SNED1: variants seen among roughly 807,000 people sequenced by gnomAD.
The protein encoded by SNED1 is sushi, nidogen and EGF like domains 1.
Under a neutral mutation model 166.7 loss-of-function variants are expected in SNED1, and 81 were observed. The observed-to-expected ratio is 0.49, with a 90% CI of 0.41 to 0.58. The LOEUF (loss-of-function observed/expected upper bound fraction) is 0.58. Among genes scored for constraint, SNED1 ranks in the 20% least tolerant of loss-of-function variants. SNED1 has a pLI of 0.00. For missense variants in SNED1, 1,604 were observed against 2,000.2 expected, an observed-to-expected ratio of 0.80 and a Z score of 3.78; for synonymous variants, 762 against 822.0, an observed-to-expected ratio of 0.93 and a Z score of 1.25.
chr2:241,071,750 C>A, intron 25 of SNED1, 30 bp downstream of exon 25: 1 of 1,544,244 alleles, frequency 6.5e-7, no homozygotes, highest in Non-Finnish European at 8.8e-7. Context: ...GCCCCATCGC[C>A]CGAGGCGGCG....
intron 8 of SNED1, among the ~76,000 whole-genome samples, chr2:241,044,089 A>G (rs1328547166): frequency 6.6e-6 from 1 of 152,228 alleles, no homozygotes; most frequent in Non-Finnish European, 1.5e-5. Flanking sequence ...CCAATTGTGG[A>G]GATAGAAATT....
chr2:241,047,294 A>G lies in SNED1; in HGVS notation c.1274-1021A>G, dbSNP rs185025593. On this transcript the variant is annotated intron_variant, in intron 8 of 31. Coordinates refer to ENST00000310397, the MANE Select transcript of SNED1 (RefSeq NM_001080437.3). ...ACCTTTTATAACGATAGAGGGGTCAATTCATCCAGAAGACATAACTCTAGA... is the reference window on the plus strand; with the variant it reads ...ACCTTTTATAACGATAGAGGGGTCAGTTCATCCAGAAGACATAACTCTAGA... 6.0e-4 allele frequency among the ~76,000 whole-genome samples: 91 copies of G among 152,290 alleles called. 1 individual carries two copies. The Middle Eastern group carries it at 0.01, about 17-fold the overall frequency.
At chr2:241,039,531 TGAG>T (rs1405650269) in intron 6 of SNED1, among the ~76,000 whole-genome samples, 4 of 152,014 alleles carry the variant, frequency 2.6e-5, no homozygotes, top group Admixed American at 2.6e-4. Context: ...CAGCATCCGG[TGAG>T]GAGGGAGGGC....
At chr2:241,065,956 G>C (rs180957869) in intron 21 of SNED1, among the ~76,000 whole-genome samples, 8 of 152,112 alleles carry the variant, frequency 5.3e-5, no homozygotes, top group African/African-American at 1.4e-4. Flanking sequence ...GGTGGGCTTG[G>C]GGGGGCTGGG....
intron 10 of SNED1, 61 bp downstream of exon 10, chr2:241,048,827 A>G: frequency 1.4e-6 from 2 of 1,420,114 alleles, no homozygotes; most frequent in Non-Finnish European, 2.0e-6. Context: ...CGGGAAATGA[A>G]TGGTGGCTTC....
At chr2:241,048,539 CGT>C in intron 9 of SNED1, 99 bp downstream of exon 9, 1 of 1,489,812 alleles carries the variant, frequency 6.7e-7, no homozygotes, top group Non-Finnish European at 9.1e-7. Context: ...CGAAAAGAAA[CGT>C]GTGAGTGCGC....
chr2:241,039,548 G>A (rs567968160), intron 6 of SNED1, among the ~76,000 whole-genome samples: 1 of 152,202 alleles, frequency 6.6e-6, no homozygotes, highest in African/African-American at 2.4e-5. Context: ...GGAGGGCAGA[G>A]GGTGGGCTCC....
rs912138695 is a variant in SNED1 at position 241,073,083 on chromosome 2, T to C, written c.3818-183T>C. On this transcript the variant is annotated intron_variant, in intron 26 of 31. Coordinates refer to ENST00000310397, the MANE Select transcript of SNED1 (RefSeq NM_001080437.3). The surrounding 1 kb of genome is among the most constrained non-coding windows in gnomAD (Gnocchi z 6.6). ...CCCCTCCAGAGGGTCAGCAGGAGGG[T>C]GAGGCCAGCCCTTCAGGGGAGGCAG... is the stretch of plus-strand genomic sequence containing the variant. The C allele has an allele frequency of 5.2e-5, 30 of 573,934 alleles. No homozygotes were observed. The South Asian group carries it at 6.1e-4, about 12-fold the overall frequency. The allele number at this position is 573,934 out of a possible 1,614,324, so 35.6% of individuals were successfully genotyped here. A position where few individuals can be genotyped will look rare whatever the true frequency, so the allele number is the denominator to read the frequency against.
Position 241,067,775 on chromosome 2 carries a change from G to C in SNED1, c.3022G>C (p.Val1008Leu), listed in dbSNP as rs1382563746. 1 of 1,608,228 alleles carries C rather than the reference G, an allele frequency of 6.2e-7. No homozygotes were observed. Among genetic ancestry groups the C allele is most frequent in the Admixed American group, 1.7e-5 (1 of 59,912 alleles). Residue 1008 changes from valine (V) to leucine (L), a missense_variant, in exon 22 of 32, where the codon GTG becomes CTG. Val to Leu is a conservative substitution (Grantham distance 32). This residue lies in a region of SNED1 where 1,237 missense variants were observed against 1,620.8 expected (regional missense o/e 0.76). Coordinates refer to ENST00000310397, the MANE Select transcript of SNED1 (RefSeq NM_001080437.3). The part of the protein sequence containing the change: ...VLLARTRPRP[V>L]EGFEVTNVTA... The stretch of plus-strand genomic sequence containing the variant: ...TCCATTCCCCCTAGGACCCCGCCCT[G>C]TGGAAGGCTTCGAGGTCACCAATGT...
At chr2:241,081,154 T>C (rs2063308960) in intron 27 of SNED1, among the ~76,000 whole-genome samples, 1 of 152,226 alleles carries the variant, frequency 6.6e-6, no homozygotes, top group East Asian at 1.9e-4. Context: ...GCAGCAGCCC[T>C]GCAAAGACCA....
At chr2:241,078,055 A>G (rs1057416345) in intron 27 of SNED1, among the ~76,000 whole-genome samples, 1 of 152,208 alleles carries the variant, frequency 6.6e-6, no homozygotes, top group Non-Finnish European at 1.5e-5. Flanking sequence ...CACAAAAGCC[A>G]GAAAGTAGAA....
At chr2:241,041,703 A>G (rs908225536) in intron 8 of SNED1, among the ~76,000 whole-genome samples, 10 of 152,120 alleles carry the variant, frequency 6.6e-5, no homozygotes, top group African/African-American at 2.4e-4. Flanking sequence ...AAAACAAAAG[A>G]GGAAGAAGAA....
intron 26 of SNED1, chr2:241,072,300 G>T: frequency 2.3e-6 from 1 of 442,522 alleles, no homozygotes; most frequent in South Asian, 1.7e-5. Flanking sequence ...CACTGTCCTG[G>T]CAAGATCTTC....
chr2:241,067,865 G>A lies in SNED1; in HGVS notation c.3112G>A (p.Val1038Ile). 1.2e-6 allele frequency: 2 copies of A among 1,613,554 alleles called. No homozygotes were observed. The highest frequency in any genetic ancestry group is 1.7e-6 in the Non-Finnish European group (2 of 1,179,858). ...HRIRHATVSGVRVSIRHPEAL... is the reference protein window; with the variant it reads ...HRIRHATVSGIRVSIRHPEAL... ...GATCCGCCATGCCACCGTCAGTGGG[G>A]TCCGTGTGTCCATCCGCCACCCTGA... Residue 1038 changes from valine (V) to isoleucine (I), a missense_variant, in exon 22 of 32, where the codon GTC becomes ATC. By Grantham distance (29) the Val-to-Ile change is conservative. Coordinates refer to ENST00000310397, the MANE Select transcript of SNED1 (RefSeq NM_001080437.3).
rs561995605 is a variant in SNED1, at chr2:241,048,980, G to A, written c.1505-42G>A. The A allele has an allele frequency of 2.0e-6, 3 of 1,528,058 alleles. No individual in the cohort carries two copies. In the South Asian group the frequency reaches 3.5e-5, roughly 18 times the overall value. The allele number at this position is 1,528,058 out of a possible 1,614,324, so 94.7% of individuals were successfully genotyped here. A position where few individuals can be genotyped will look rare whatever the true frequency, so the allele number is the denominator to read the frequency against. On this transcript the variant is annotated intron_variant, in intron 10 of 31. Coordinates refer to ENST00000310397, the MANE Select transcript of SNED1 (RefSeq NM_001080437.3). ...GACAAGGACTCGAGGTCTGCTGGAAGACATGTGGAATATGGGATGGGGCTT... is the reference window on the plus strand; with the variant it reads ...GACAAGGACTCGAGGTCTGCTGGAAAACATGTGGAATATGGGATGGGGCTT...
At chr2:241,010,934 G>A (rs976660911) in intron 1 of SNED1, among the ~76,000 whole-genome samples, 4 of 152,184 alleles carry the variant, frequency 2.6e-5, no homozygotes, top group African/African-American at 4.8e-5. Context: ...CGGTGGCCAC[G>A]GGGAGGCCCT....
rs769078948 is a variant in SNED1, at chr2:241,030,248, C to T, written c.214-36C>T. Reference sequence around the variant, plus strand: ...TGGGCCCACCCGCCTGCCCACAGCCCCCAGTCAATCCCCGCTCTGGCTTTC... The same window carrying T: ...TGGGCCCACCCGCCTGCCCACAGCCTCCAGTCAATCCCCGCTCTGGCTTTC... On this transcript the variant is annotated intron_variant, in intron 1 of 31. Transcript: ENST00000310397. 101 of 1,518,086 alleles carry T rather than the reference C, an allele frequency of 6.7e-5. 1 individual carries two copies. Among genetic ancestry groups the T allele is most frequent in the Non-Finnish European group, 8.6e-5 (97 of 1,127,944 alleles). 94.0% of individuals were successfully genotyped at this position (1,518,086 alleles called of 1,614,324 possible). A position where few individuals can be genotyped will look rare whatever the true frequency, so the allele number is the denominator to read the frequency against.
chr2:241,057,792 T>G (rs1360729264), intron 16 of SNED1, among the ~76,000 whole-genome samples: 8 of 152,034 alleles, frequency 5.3e-5, no homozygotes, highest in Admixed American at 2.6e-4. Flanking sequence ...AAACACAGCT[T>G]CAGAGGCTTA....
Position 241,030,307 on chromosome 2 carries a change from C to T in SNED1, c.237C>T (p.Ser79=). The change falls in exon 2 of 32, where the codon TCC becomes TCT. Residue 79 remains serine (S), a synonymous_variant. Transcript: ENST00000310397. ...GLYVNNNGII[S]FLKEVSQFTP... is the part of the protein sequence containing the mutation. The stretch of plus-strand genomic sequence containing the variant: ...AGGTGAACAACAACGGGATCATCTC[C>T]TTCCTGAAGGAGGTTTCTCAGTTCA... The T allele has an allele frequency of 6.3e-7, 1 of 1,597,366 alleles. No homozygotes were observed. The highest frequency in any genetic ancestry group is 8.5e-7 in the Non-Finnish European group (1 of 1,170,432).
Sources: allele counts gnomAD v4.1 joint callset (sites outside exome capture counted in the v4.1 genomes callset), GRCh38; gene constraint gnomAD v4.1.1; regional missense constraint gnomAD v4.1.1; non-coding constraint Gnocchi (gnomAD v3.1); transcripts MANE v1.5; gene names NCBI Gene and HGNC (gene_info 2026-07-23, HGNC 2026-07-21).